Variants in C21orf58 observed in about 807,000 individuals in gnomAD.
C21orf58 encodes the protein chromosome 21 open reading frame 58, also known as uncharacterized protein C21orf58.
Under a neutral mutation model 35.8 loss-of-function variants are expected in C21orf58, and 34 were observed. That is an observed-to-expected ratio of 0.95 (90% CI 0.72 to 1.26). C21orf58 has a LOEUF of 1.26. C21orf58 is among the 50% of genes most tolerant of loss of function. The pLI, the probability that C21orf58 is intolerant of heterozygous loss-of-function variation, is 0.00. For synonymous variants in C21orf58, 191 were observed against 175.8 expected, an observed-to-expected ratio of 1.09 and a Z score of -0.68; for missense variants, 440 against 414.3, an observed-to-expected ratio of 1.06 and a Z score of -0.54.
chr21:46,300,802 G>C, downstream of C21orf58: 1 of 1,287,130 alleles, frequency 7.8e-7, no homozygotes, highest in Non-Finnish European at 1.0e-6. Context: ...GTCCTAATAG[G>C]GGGTGAATGA....
Position 46,322,801 on chromosome 21 carries a change from G to A in C21orf58, c.-63C>T. The A allele has an allele frequency of 1.7e-6, 2 of 1,167,352 alleles. No individual in the cohort carries two copies. The highest frequency in any genetic ancestry group is 2.3e-6 in the Non-Finnish European group (2 of 874,866). 72.3% of individuals were successfully genotyped at this position (1,167,352 alleles called of 1,614,324 possible). A position where few individuals can be genotyped will look rare whatever the true frequency, so the allele number is the denominator to read the frequency against. On this transcript the variant is annotated 5_prime_UTR_variant, in exon 1 of 8. Transcript: ENST00000291691. ...AAAAAAGAAAAAAAATTCTGAGCGA[G>A]ATTCCAGGGCTTCCTGAGGGCGCGT... is the stretch of plus-strand genomic sequence containing the variant.
At chr21:46,318,931 T>C (rs2083071698) in intron 1 of C21orf58, 5 of 848,828 alleles carry the variant, frequency 5.9e-6, no homozygotes, top group African/African-American at 1.8e-5. Context: ...CAGACTGACA[T>C]GTGGGGGATG....
chr21:46,300,774 T>G (rs1467753258), downstream of C21orf58: 4 of 1,289,414 alleles, frequency 3.1e-6, no homozygotes, highest in East Asian at 5.5e-5. Context: ...GTGCGGAACT[T>G]CAGGAATGAA....
chr21:46,317,396 C>T, intron 2 of C21orf58, 128 bp from the exon 3 acceptor site: 7 of 1,511,874 alleles, frequency 4.6e-6, no homozygotes, highest in Non-Finnish European at 6.2e-6. Context: ...CTCTCCAGGG[C>T]CAACAGGCGG....
intron 7 of C21orf58, 71 bp from the exon 8 acceptor site, chr21:46,302,225 T>A: frequency 5.6e-6 from 8 of 1,431,790 alleles, no homozygotes; most frequent in Non-Finnish European, 7.3e-6. Flanking sequence ...GCCCTGTTCC[T>A]AACTGGGGCT....
intron 6 of C21orf58, among the ~76,000 whole-genome samples, chr21:46,302,971 G>A (rs2082191166): frequency 6.7e-6 from 1 of 149,222 alleles, no homozygotes; most frequent in African/African-American, 2.5e-5. Context: ...TACACGGTGC[G>A]GGTCCCCGGG....
chr21:46,312,871 C>A, intron 5 of C21orf58: 1 of 432,014 alleles, frequency 2.3e-6, no homozygotes, highest in Non-Finnish European at 3.1e-6. Flanking sequence ...TGGTTAATTA[C>A]TGTCCTCCAT....
chr21:46,304,649 A>T (rs963673272), intron 6 of C21orf58, among the ~76,000 whole-genome samples: 2 of 152,222 alleles, frequency 1.3e-5, no homozygotes, highest in Non-Finnish European at 2.9e-5. Flanking sequence ...CTGGCGACTG[A>T]AATTCTCATT....
At chr21:46,317,909 T>G (rs559116516) in intron 2 of C21orf58, 103 bp downstream of exon 2, 3 of 1,296,234 alleles carry the variant, frequency 2.3e-6, no homozygotes, top group Admixed American at 4.3e-5. Context: ...GGCCTAGCCC[T>G]TGGGGCCCTG....
intron 5 of C21orf58, among the ~76,000 whole-genome samples, chr21:46,313,799 C>G (rs981298481): frequency 6.6e-5 from 10 of 152,170 alleles, no homozygotes; most frequent in African/African-American, 2.4e-4. Flanking sequence ...CTGCCAGGGT[C>G]CCCTCCCAAA....
Position 46,302,142 on chromosome 21 carries a change from C to T in C21orf58, c.826G>A (p.Val276Met). ...LPPALQDPPH[V>M]PPRVPRAARP... ...GCAGCTCGTGGGACCCTCGGGGGCACATGTGGCGGGTCCTGCCACAGACGC... is the reference window on the plus strand; with the variant it reads ...GCAGCTCGTGGGACCCTCGGGGGCATATGTGGCGGGTCCTGCCACAGACGC... Residue 276 changes from valine (V) to methionine (M), a missense_variant, in exon 8 of 8, where the codon GTG (valine) becomes ATG (methionine). By Grantham distance (21) the Val-to-Met change is conservative. Coordinates refer to ENST00000291691, the MANE Select transcript of C21orf58 (RefSeq NM_058180.5). 6.7e-6 allele frequency: 10 copies of T among 1,497,760 alleles called. No individual in the cohort carries two copies. The highest frequency in any genetic ancestry group is 8.0e-6 in the Non-Finnish European group (9 of 1,122,612). 92.8% of individuals were successfully genotyped at this position (1,497,760 alleles called of 1,614,324 possible).
intron 6 of C21orf58, among the ~76,000 whole-genome samples, chr21:46,304,367 G>C (rs1287051050): frequency 6.6e-6 from 1 of 151,698 alleles, no homozygotes; most frequent in Non-Finnish European, 1.5e-5. Flanking sequence ...TGTGCCTGTA[G>C]TCCCAGCTAC....
intron 6 of C21orf58, among the ~76,000 whole-genome samples, chr21:46,305,577 A>G (rs556408053): frequency 2.0e-4 from 30 of 152,134 alleles, no homozygotes; most frequent in African/African-American, 7.0e-4. Context: ...TGATCCTCCC[A>G]TATCAGTCTC....
At chr21:46,315,201 C>A (rs901712417) in intron 4 of C21orf58, 53 of 615,576 alleles carry the variant, frequency 8.6e-5, no homozygotes, top group Non-Finnish European at 8.5e-6. Context: ...CTCTGCCACT[C>A]GGATGCATCT....
At chr21:46,320,195 C>T (rs1330960147) in intron 1 of C21orf58, among the ~76,000 whole-genome samples, 6 of 151,840 alleles carry the variant, frequency 4.0e-5, no homozygotes, top group African/African-American at 1.4e-4. Flanking sequence ...CTCCGCCTCC[C>T]GGGTTCAAGT....
intron 6 of C21orf58, among the ~76,000 whole-genome samples, chr21:46,302,800 A>G (rs1159697904): frequency 2.6e-5 from 1 of 38,758 alleles, no homozygotes; most frequent in Non-Finnish European, 5.0e-5. Flanking sequence ...CCGTCTGCAC[A>G]CGGTGCGGGT....
chr21:46,317,876 G>T, intron 2 of C21orf58, 136 bp downstream of exon 2: 1 of 905,032 alleles, frequency 1.1e-6, no homozygotes, highest in Non-Finnish European at 1.7e-6. Context: ...TCTGAGGATG[G>T]GTCCGCTGGG....
chr21:46,313,025 T>C (rs2082809564), intron 5 of C21orf58: 2 of 985,458 alleles, frequency 2.0e-6, no homozygotes, highest in Non-Finnish European at 2.4e-6. Context: ...TGCCTGGCCT[T>C]GTCCCTTCTT....
intron 3 of C21orf58, 25 bp downstream of exon 3, chr21:46,317,183 T>A: frequency 6.2e-7 from 1 of 1,604,598 alleles, no homozygotes; most frequent in African/African-American, 1.3e-5. Flanking sequence ...TCTGTGCTGG[T>A]TCCAAGCAGC....
Sources: gnomAD v4.1 joint callset for allele counts (sites outside exome capture counted in the v4.1 genomes callset) on GRCh38, gnomAD v4.1.1 for gene constraint, MANE v1.5 for transcripts, NCBI Gene and HGNC (gene_info 2026-07-23, HGNC 2026-07-21) for gene names.